Variants in DDX25 observed in about 807,000 individuals in gnomAD.
DDX25 encodes the protein ATP-dependent RNA helicase DDX25.
A neutral mutation model predicts 64.6 loss-of-function variants in DDX25; 70 were observed. The observed-to-expected ratio is 1.08, with a 90% CI of 0.89 to 1.32. The LOEUF (loss-of-function observed/expected upper bound fraction) is 1.32. Among genes scored for constraint, DDX25 ranks in the 40% most tolerant of loss-of-function variants. The pLI, the probability that DDX25 is intolerant of heterozygous loss-of-function variation, is 0.00. For missense variants in DDX25, 587 were observed against 604.4 expected (o/e 0.97, Z 0.30); for synonymous variants, 211 against 213.3 (o/e 0.99, Z 0.09).
rs1945173712 is a variant in DDX25 at position 125,926,980 on chromosome 11, G to C, written c.*4099G>C. On this transcript the variant is annotated 3_prime_UTR_variant, in exon 12 of 12. Coordinates refer to ENST00000263576, the MANE Select transcript of DDX25 (RefSeq NM_013264.5). Reference sequence around the variant, plus strand: ...TGCTGCCTGGGTCCCTCAGAAGGATGGGTCTGGACTTCCCACACCCTCCTT... The same window carrying C: ...TGCTGCCTGGGTCCCTCAGAAGGATCGGTCTGGACTTCCCACACCCTCCTT... The C allele has an allele frequency of 6.6e-6, 1 of 152,228 alleles. No individual in the cohort carries two copies. The highest frequency in any genetic ancestry group is 2.4e-5 in the African/African-American group (1 of 41,428). The allele number at this position is 152,228 out of a possible 1,614,324, so 9.4% of individuals were successfully genotyped here.
chr11:125,911,587 C>G (rs572968397), intron 8 of DDX25, 99 bp downstream of exon 8: 1 of 1,169,830 alleles, frequency 8.5e-7, no homozygotes, highest in African/African-American at 1.6e-5. Context: ...TAACTCCTCA[C>G]CACCTTCACC....
chr11:125,925,677 T>C lies in DDX25; in HGVS notation c.*2796T>C. The C allele has an allele frequency of 3.0e-6, 1 of 329,398 alleles. No individual in the cohort carries two copies. Among genetic ancestry groups the C allele is most frequent in the Non-Finnish European group, 6.1e-6 (1 of 163,042 alleles). 20.4% of individuals were successfully genotyped at this position (329,398 alleles called of 1,614,324 possible). On this transcript the variant is annotated 3_prime_UTR_variant, in exon 12 of 12. Transcript: ENST00000263576. ...TTTATCTTGGCCAGCTTAATACTGT[T>C]AGCATATTGAAATTCATGATTACGT...
intron 1 of DDX25, 120 bp downstream of exon 1, chr11:125,904,700 GA>G: frequency 8.5e-7 from 1 of 1,170,966 alleles, no homozygotes; most frequent in Non-Finnish European, 1.2e-6. Context: ...TCAGATGCTG[GA>G]GGGGAGATGC....
intron 5 of DDX25, 47 bp from the exon 6 acceptor site, chr11:125,908,354 A>C: frequency 1.2e-6 from 2 of 1,612,736 alleles, no homozygotes; most frequent in Non-Finnish European, 1.7e-6. Flanking sequence ...GTTTATGCCC[A>C]CTCTCTTGTA....
intron 8 of DDX25, among the ~76,000 whole-genome samples, chr11:125,914,702 A>C (rs1945013567): frequency 6.6e-6 from 1 of 152,282 alleles, no homozygotes; most frequent in African/African-American, 2.4e-5. Context: ...GCAAATGAAA[A>C]ATTCAGAACT....
Position 125,917,028 on chromosome 11 carries a change from A to T in DDX25, c.815A>T (p.Glu272Val), listed in dbSNP as rs1945047474. 6.3e-7 allele frequency: 1 copy of T among 1,597,194 alleles called. No individual in the cohort carries two copies. Among genetic ancestry groups the T allele is most frequent in the Non-Finnish European group, 8.5e-7 (1 of 1,171,718 alleles). The change falls in exon 9 of 12, where the codon GAA becomes GTA. Residue 272 changes from glutamate to valine, a missense_variant. Physicochemically the swap from Glu to Val is moderately radical, Grantham distance 121 (BLOSUM62 -2). Transcript: ENST00000263576. ...SIRIQRALPS[E>V]CQMLLFSATF... Reference sequence around the variant, plus strand: ...CTCTATCACAGAGCTCTACCCTCCGAATGCCAAATGCTCCTCTTTTCAGCA... The same window carrying T: ...CTCTATCACAGAGCTCTACCCTCCGTATGCCAAATGCTCCTCTTTTCAGCA...
intron 4 of DDX25, among the ~76,000 whole-genome samples, chr11:125,906,907 A>C (rs1300988698): frequency 3.3e-5 from 5 of 151,868 alleles, no homozygotes; most frequent in Non-Finnish European, 7.4e-5. Context: ...TTTTGATAGT[A>C]AGATATTTTC....
At chr11:125,904,202 CGGCGCGGGG>C (rs933017734), upstream of DDX25, among the ~76,000 whole-genome samples, 8 of 152,058 alleles carry the variant, frequency 5.3e-5, no homozygotes, top group East Asian at 1.9e-4. Flanking sequence ...GGCCGCGGGG[CGGCGCGGGG>C]GGCGCTCTCC....
In DDX25 at chr11:125,917,203, C is replaced by A; in HGVS notation, c.990C>A (p.Cys330Ter). 1.2e-6 allele frequency: 2 copies of A among 1,610,492 alleles called. No individual in the cohort carries two copies. Among genetic ancestry groups the A allele is most frequent in the Non-Finnish European group, 1.7e-6 (2 of 1,178,592 alleles). The stretch of plus-strand genomic sequence containing the variant: ...GGAAAGACAAATACCAAGCTCTGTG[C>A]AACATTTATGGCAGCATCACCATTG... ...EHRKDKYQAL[C>*]NIYGSITIGQ... Residue 330 changes from cysteine to a stop codon, truncating the protein, a stop_gained, in exon 9 of 12, where the codon TGC becomes TGA. Transcript: ENST00000263576. LOFTEE classifies it high-confidence loss of function.
At chr11:125,906,695 G>A (rs532567700) in intron 4 of DDX25, among the ~76,000 whole-genome samples, 42 of 151,458 alleles carry the variant, frequency 2.8e-4, no homozygotes, top group Non-Finnish European at 5.7e-4. Flanking sequence ...GCATGGTGGC[G>A]CGCACCTGTA....
Position 125,928,363 on chromosome 11 carries a change from A to G in DDX25, c.*5482A>G, listed in dbSNP as rs568873724. ...TATCTAGTGAATATGCATATAGCTG[A>G]CTTTGTTGAACATTTATAGGATGTC... On this transcript the variant is annotated 3_prime_UTR_variant, in exon 12 of 12. Transcript: ENST00000263576. 5.3e-5 allele frequency: 8 copies of G among 152,334 alleles called. 1 individual carries two copies. Among genetic ancestry groups the G allele is most frequent in the African/African-American group, 1.9e-4 (8 of 41,576 alleles). 9.4% of individuals were successfully genotyped at this position (152,334 alleles called of 1,614,324 possible).
chr11:125,908,801 G>C (rs1467053123), intron 6 of DDX25, among the ~76,000 whole-genome samples: 4 of 152,196 alleles, frequency 2.6e-5, no homozygotes, highest in Admixed American at 2.0e-4. Context: ...GTAAAGGAAT[G>C]TATCATAGTT....
rs1256413630 is a variant in DDX25, at chr11:125,926,480, C to G, written c.*3599C>G. 1 of 152,154 alleles carries G rather than the reference C, an allele frequency of 6.6e-6. No homozygotes were observed. Among genetic ancestry groups the G allele is most frequent in the Non-Finnish European group, 1.5e-5 (1 of 68,064 alleles). 9.4% of individuals were successfully genotyped at this position (152,154 alleles called of 1,614,324 possible). On this transcript the variant is annotated 3_prime_UTR_variant, in exon 12 of 12. Transcript: ENST00000263576. ...TGCCCTAGAAAGCATCCAAGAGGCACTCAACCCCAACATTTTCTATACTTT... is the reference window on the plus strand; with the variant it reads ...TGCCCTAGAAAGCATCCAAGAGGCAGTCAACCCCAACATTTTCTATACTTT...
chr11:125,905,527 T>G (rs999999373), intron 2 of DDX25, 26 bp from the exon 3 acceptor site: 5 of 1,548,410 alleles, frequency 3.2e-6, no homozygotes, highest in Admixed American at 3.9e-5. Context: ...TCTTTACTTG[T>G]ATTGTTTCTC....
In DDX25 at chr11:125,921,833, G is replaced by A. The variant is rs2134286115; in HGVS notation, c.1390+454G>A. On this transcript the variant is annotated intron_variant, in intron 11 of 11. Transcript: ENST00000263576. This position sits in a 1 kb window ranked among gnomAD's most constrained non-coding sequence, Gnocchi z 4.1. ...GAACCCAGGAGGCGGAGGTTGCAGTGAGCTGAGGTCGCACAACTGCACTCC... is the reference window on the plus strand; with the variant it reads ...GAACCCAGGAGGCGGAGGTTGCAGTAAGCTGAGGTCGCACAACTGCACTCC... 1 of 155,686 alleles carries A rather than the reference G, an allele frequency of 6.4e-6. No homozygotes were observed. The highest frequency in any genetic ancestry group is 3.3e-3 in the Middle Eastern group (1 of 300). The allele number at this position is 155,686 out of a possible 1,614,324, so 9.6% of individuals were successfully genotyped here.
chr11:125,908,618 G>A (rs941692955), intron 6 of DDX25, 115 bp downstream of exon 6: 1 of 1,078,796 alleles, frequency 9.3e-7, no homozygotes, highest in Admixed American at 1.9e-5. Context: ...ATTTAGAAAA[G>A]ACATGTTTTC....
At chr11:125,903,374 G>T, upstream of DDX25, 1 of 243,112 alleles carries the variant, frequency 4.1e-6, no homozygotes, top group Non-Finnish European at 6.6e-6. Context: ...CTGGGCCTGT[G>T]GCGGGACAGC....
In DDX25 at chr11:125,911,270, GTTTGCATCTGAAGGAGTGCTTAAAACCC is replaced by G. The variant is rs1406955433; in HGVS notation, c.623-37_623-10del. 3 of 1,558,886 alleles carry G rather than the reference GTTTGCATCTGAAGGAGTGCTTAAAACCC, an allele frequency of 1.9e-6. No homozygotes were observed. The highest frequency in any genetic ancestry group is 2.6e-6 in the Non-Finnish European group (3 of 1,152,558). ...CCCTGAACTGTGACCTGTTGGAGTT[GTTTGCATCTGAAGGAGTGCTTAAAACCC>G]TTTTCTCCCCAGTTCCCAGAGGCAC... On this transcript the variant is annotated splice_polypyrimidine_tract_variant and intron_variant, in intron 7 of 11. Transcript: ENST00000263576.
intron 8 of DDX25, 93 bp downstream of exon 8, chr11:125,911,581 T>G: frequency 7.9e-7 from 1 of 1,267,368 alleles, no homozygotes; most frequent in Non-Finnish European, 1.1e-6. Flanking sequence ...ATTGCTTAAC[T>G]CCTCACCACC....
Sources: gnomAD v4.1 joint callset for allele counts (sites outside exome capture counted in the v4.1 genomes callset) on GRCh38, gnomAD v4.1.1 for gene constraint, Gnocchi (gnomAD v3.1) non-coding constraint, MANE v1.5 for transcripts, NCBI Gene and HGNC (gene_info 2026-07-23, HGNC 2026-07-21) for gene names.